Variants in RUFY4 observed in about 807,000 individuals in gnomAD.
The protein encoded by RUFY4 is RUN and FYVE domain containing 4.
Under a neutral mutation model 69.0 loss-of-function variants are expected in RUFY4, and 73 were observed. That is an observed-to-expected ratio of 1.06 (90% CI 0.88 to 1.29). The LOEUF (loss-of-function observed/expected upper bound fraction) is 1.29, where lower values mean the gene tolerates loss of function less well. Ranked by LOEUF, RUFY4 falls within the 50% of genes most tolerant of loss-of-function variation. The probability of loss-of-function intolerance (pLI) is 0.00; values close to 1 mark genes in which losing one functional copy is unlikely to be tolerated. For missense variants in RUFY4, 770 were observed against 705.6 expected (o/e 1.09, Z -1.03); for synonymous variants, 287 against 271.8 (o/e 1.06, Z -0.55).
intron 6 of RUFY4, among the ~76,000 whole-genome samples, chr2:218,074,372 G>A (rs76890422): frequency 0.037 from 5,643 of 152,112 alleles, 334 homozygotes; most frequent in African/African-American, 0.13. Flanking sequence ...GAGGATGAAC[G>A]GACACAACTC....
At chr2:218,037,102 T>C (rs1376323689) in intron 2 of RUFY4, among the ~76,000 whole-genome samples, 2 of 152,078 alleles carry the variant, frequency 1.3e-5, no homozygotes, top group African/African-American at 2.4e-5. Flanking sequence ...GCGGATCACT[T>C]GAGGTCAGGA....
At chr2:218,073,373 C>T (rs1454873804) in exon 5 of RUFY4, 2 of 1,592,790 alleles carry the variant, frequency 1.3e-6, no homozygotes, top group Non-Finnish European at 1.7e-6. Context: ...TGGAGCCTGG[C>T]CCATGTTCTC....
chr2:218,048,115 C>A (rs987936415), intron 2 of RUFY4, among the ~76,000 whole-genome samples: 1 of 152,156 alleles, frequency 6.6e-6, no homozygotes, highest in Admixed American at 6.5e-5. Context: ...TGCAACCTTG[C>A]CAGCATCTTT....
intron 2 of RUFY4, among the ~76,000 whole-genome samples, chr2:218,051,150 A>G (rs1688933900): frequency 6.6e-6 from 1 of 152,222 alleles, no homozygotes; most frequent in Admixed American, 6.5e-5. Context: ...GCAGGATCAC[A>G]GTCCTGAGCC....
intron 2 of RUFY4, among the ~76,000 whole-genome samples, chr2:218,041,181 C>T (rs956088017): frequency 6.6e-6 from 1 of 152,096 alleles, no homozygotes; most frequent in Non-Finnish European, 1.5e-5. Context: ...ATTAATTTTT[C>T]TTTCTCAAAG....
At chr2:218,049,814 T>C (rs1001372772) in intron 2 of RUFY4, among the ~76,000 whole-genome samples, 2 of 152,204 alleles carry the variant, frequency 1.3e-5, no homozygotes, top group Admixed American at 1.3e-4. Flanking sequence ...AGCTAGGTCC[T>C]TTCTTTATCT....
At chr2:218,063,029 G>T (rs1050753215) in intron 3 of RUFY4, among the ~76,000 whole-genome samples, 3 of 152,200 alleles carry the variant, frequency 2.0e-5, no homozygotes, top group Admixed American at 6.5e-5. Flanking sequence ...GTCCATCTCT[G>T]CTGGCTCTGC....
chr2:218,083,753 A>C (rs983810598), intron 9 of RUFY4, among the ~76,000 whole-genome samples: 3 of 152,058 alleles, frequency 2.0e-5, no homozygotes, highest in Non-Finnish European at 2.9e-5. Context: ...ATTAAAAAAA[A>C]AAAAGGCAGA....
intron 8 of RUFY4, among the ~76,000 whole-genome samples, chr2:218,081,167 A>T (rs1261421750): frequency 6.6e-6 from 1 of 152,066 alleles, no homozygotes; most frequent in Non-Finnish European, 1.5e-5. Flanking sequence ...TGAGATTAAC[A>T]TCTACTTTTC....
At chr2:218,060,752 C>T (rs116124215) in intron 3 of RUFY4, 16,920 of 1,493,610 alleles carry the variant, frequency 0.011, 247 homozygotes, top group South Asian at 0.049. Flanking sequence ...ATGATCGCAG[C>T]GGCACGATGA....
chr2:218,081,232 C>T (rs991063412), intron 8 of RUFY4, among the ~76,000 whole-genome samples: 1 of 152,214 alleles, frequency 6.6e-6, no homozygotes, highest in East Asian at 1.9e-4. Context: ...CTTCTCCTAC[C>T]TTCCCTGCCC....
intron 2 of RUFY4, among the ~76,000 whole-genome samples, chr2:218,050,180 A>G (rs1227950805): frequency 2.0e-5 from 3 of 152,226 alleles, no homozygotes; most frequent in Non-Finnish European, 4.4e-5. Flanking sequence ...TCCCAGACTC[A>G]GCCTCACAGA....
chr2:218,049,936 G>A (rs1688908370), intron 2 of RUFY4, among the ~76,000 whole-genome samples: 1 of 152,168 alleles, frequency 6.6e-6, no homozygotes, highest in Non-Finnish European at 1.5e-5. Flanking sequence ...GTCAGACAGG[G>A]ATGGGTCCCT....
chr2:218,054,612 C>T (rs566374847), intron 2 of RUFY4, among the ~76,000 whole-genome samples: 4 of 147,576 alleles, frequency 2.7e-5, no homozygotes, highest in South Asian at 2.1e-4. Context: ...AAAACTCTAA[C>T]GAGAAGAACT....
At chr2:218,039,793 A>G (rs1185492328) in intron 2 of RUFY4, among the ~76,000 whole-genome samples, 3 of 152,356 alleles carry the variant, frequency 2.0e-5, no homozygotes, top group Admixed American at 6.5e-5. Context: ...CCTCAGAGCC[A>G]TTTAAATCAA....
chr2:218,069,663 C>G (rs4674242), upstream of RUFY4: 43,253 of 151,264 alleles, frequency 0.29, 6,646 homozygotes, highest in South Asian at 0.39. Context: ...CCATGCTCCA[C>G]CCACCTCCCT....
intron 3 of RUFY4, among the ~76,000 whole-genome samples, chr2:218,063,703 T>C (rs1240675508): frequency 6.6e-6 from 1 of 152,078 alleles, no homozygotes; most frequent in Non-Finnish European, 1.5e-5. Context: ...TGTTGAGTCA[T>C]GGGTGTGAGC....
intron 4 of RUFY4, 74 bp from the exon 7 acceptor site, chr2:218,073,169 G>A: frequency 6.0e-6 from 9 of 1,508,002 alleles, no homozygotes; most frequent in South Asian, 3.7e-5. Context: ...GGTTGAGCTG[G>A]GGTGGGGGTG....
chr2:218,072,831 G>C, exon 4 of RUFY4: 2 of 1,535,702 alleles, frequency 1.3e-6, no homozygotes, highest in Non-Finnish European at 1.7e-6. Flanking sequence ...TGCCTGGCCC[G>C]TGGGCAGCTG....
Sources: allele counts gnomAD v4.1 joint callset (sites outside exome capture counted in the v4.1 genomes callset), GRCh38; gene constraint gnomAD v4.1.1; transcripts MANE v1.5; gene names NCBI Gene and HGNC (gene_info 2026-07-23, HGNC 2026-07-21).